TMEM117: variants seen among roughly 807,000 people sequenced by gnomAD.
TMEM117 encodes transmembrane protein 117.
Under a neutral mutation model 52.4 loss-of-function variants are expected in TMEM117, and 27 were observed. The ratio of observed to expected loss-of-function variants is 0.51; its 90% CI spans 0.38 to 0.71. TMEM117 has a LOEUF of 0.71. Ranked by LOEUF, TMEM117 falls within the 30% of genes least tolerant of loss-of-function variation. TMEM117 has a pLI of 0.00. For missense variants in TMEM117, 556 were observed against 630.5 expected (o/e 0.88, Z 1.26); for synonymous variants, 215 against 206.3 (o/e 1.04, Z -0.36).
intron 2 of TMEM117, among the ~76,000 whole-genome samples, chr12:43,875,893 G>A (rs993986656): frequency 1.1e-4 from 17 of 151,962 alleles, no homozygotes; most frequent in African/African-American, 3.4e-4. Flanking sequence ...GAGTCCACAA[G>A]CTTCATCTGG....
intron 3 of TMEM117, 129 bp from the exon 4 acceptor site, chr12:44,143,396 A>G: frequency 1.7e-6 from 1 of 571,618 alleles, no homozygotes; most frequent in Non-Finnish European, 3.0e-6. Flanking sequence ...TTGTAAGCAT[A>G]TGTGATGGGA....
intron 3 of TMEM117, among the ~76,000 whole-genome samples, chr12:44,069,447 G>T (rs1007086851): frequency 6.6e-6 from 1 of 152,116 alleles, no homozygotes; most frequent in Non-Finnish European, 1.5e-5. Context: ...CCAAATTGAA[G>T]AATCAGTAAA....
intron 5 of TMEM117, among the ~76,000 whole-genome samples, chr12:44,298,419 T>TC (rs1011026610): frequency 4.0e-5 from 6 of 150,540 alleles, no homozygotes; most frequent in Non-Finnish European, 7.4e-5. Context: ...AGTAATTGTT[T>TC]TTTTTTTTCT....
At chr12:44,175,776 G>A (rs1230370051) in intron 4 of TMEM117, among the ~76,000 whole-genome samples, 1 of 152,144 alleles carries the variant, frequency 6.6e-6, no homozygotes. Flanking sequence ...ACAAATCAAA[G>A]GCATGAGAAC....
intron 3 of TMEM117, among the ~76,000 whole-genome samples, chr12:43,978,761 C>T (rs1224873353): frequency 6.6e-6 from 1 of 152,104 alleles, no homozygotes; most frequent in African/African-American, 2.4e-5. Flanking sequence ...CATAACCTAG[C>T]AACTGATTGC....
chr12:43,806,281 T>G, the TMEM117 span: 1 of 1,488,052 alleles, frequency 6.7e-7, no homozygotes, highest in African/African-American at 1.5e-5. Context: ...CGGCGCTGAG[T>G]GCAGCCAGCG....
chr12:44,369,808 A>G (rs140121726), intron 6 of TMEM117, among the ~76,000 whole-genome samples: 2 of 152,318 alleles, frequency 1.3e-5, no homozygotes, highest in Non-Finnish European at 2.9e-5. Context: ...CAGATTTTAA[A>G]TTCTTTAAAT....
At chr12:43,845,119 T>C (rs1424327958) in intron 2 of TMEM117, 191 bp downstream of exon 2, 2 of 589,736 alleles carry the variant, frequency 3.4e-6, no homozygotes, top group Non-Finnish European at 5.6e-6. Flanking sequence ...TCCTACTGTC[T>C]AAGGAAAATT....
chr12:44,218,081 G>T (rs112547444), intron 5 of TMEM117, among the ~76,000 whole-genome samples: 2,434 of 152,142 alleles, frequency 0.016, 67 homozygotes, highest in African/African-American at 0.055. Flanking sequence ...AAAATTGGCT[G>T]GACGTGGTGG....
chr12:44,022,128 A>C (rs1293902641), intron 3 of TMEM117, among the ~76,000 whole-genome samples: 2 of 152,244 alleles, frequency 1.3e-5, no homozygotes, highest in Non-Finnish European at 2.9e-5. Context: ...TTATGTGAAC[A>C]TTAAAGACAA....
intron 5 of TMEM117, chr12:44,263,903 C>T (rs1950348569): frequency 6.6e-6 from 1 of 152,142 alleles, no homozygotes; most frequent in African/African-American, 2.4e-5. Flanking sequence ...TAATTTATTT[C>T]AGTGAAGGTG....
intron 2 of TMEM117, among the ~76,000 whole-genome samples, chr12:43,914,779 A>G (rs117293678): frequency 6.6e-6 from 1 of 152,268 alleles, no homozygotes; most frequent in East Asian, 1.9e-4. Context: ...AAACTTTGAG[A>G]TCAAAGGGAG....
At chr12:44,173,565 G>C (rs12300793) in intron 4 of TMEM117, among the ~76,000 whole-genome samples, 34,516 of 146,576 alleles carry the variant, frequency 0.24, 7,508 homozygotes, top group African/African-American at 0.58. Flanking sequence ...TCATGAATTG[G>C]CTGTTTGACA....
intron 5 of TMEM117, among the ~76,000 whole-genome samples, chr12:44,234,122 A>T (rs1195880993): frequency 6.6e-6 from 1 of 151,336 alleles, no homozygotes; most frequent in African/African-American, 2.4e-5. Flanking sequence ...TCATAAAATC[A>T]GTTGGGGATT....
At chr12:43,980,876 G>A (rs921946419) in intron 3 of TMEM117, among the ~76,000 whole-genome samples, 5 of 152,190 alleles carry the variant, frequency 3.3e-5, no homozygotes, top group African/African-American at 1.2e-4. Context: ...CAAAGGCTTG[G>A]AGCAAACACA....
intron 1 of TMEM117, among the ~76,000 whole-genome samples, chr12:43,840,607 G>A (rs979982272): frequency 6.6e-6 from 1 of 152,160 alleles, no homozygotes; most frequent in African/African-American, 2.4e-5. Context: ...GTACCACTCA[G>A]CTCATCCAGT....
At chr12:44,319,675 A>G (rs1951105789) in intron 6 of TMEM117, among the ~76,000 whole-genome samples, 1 of 152,228 alleles carries the variant, frequency 6.6e-6, no homozygotes, top group Non-Finnish European at 1.5e-5. Flanking sequence ...TGATGACGTA[A>G]ATACAAAAGT....
At chr12:43,829,493 C>T in the TMEM117 span, among the ~76,000 whole-genome samples, 8 of 152,262 alleles carry the variant, frequency 5.3e-5, no homozygotes, top group East Asian at 3.9e-4. Flanking sequence ...CAAGAGCTCT[C>T]GAAAGCCAGT....
intron 4 of TMEM117, among the ~76,000 whole-genome samples, chr12:44,206,692 C>G (rs1394434387): frequency 6.6e-6 from 1 of 152,108 alleles, no homozygotes; most frequent in Non-Finnish European, 1.5e-5. Flanking sequence ...GACTATTATC[C>G]TAAGCAAATT....
Sources: gnomAD v4.1 joint callset for allele counts (sites outside exome capture counted in the v4.1 genomes callset) on GRCh38, gnomAD v4.1.1 for gene constraint, MANE v1.5 for transcripts, NCBI Gene and HGNC (gene_info 2026-07-23, HGNC 2026-07-21) for gene names.